The following METTL25 variants were observed in gnomAD, a reference collection of about 807,000 sequenced individuals.
METTL25 encodes the protein methyltransferase like 25.
METTL25 carries 64 observed loss-of-function variants against 71.6 expected under a neutral mutation model. The observed-to-expected ratio is 0.89, with a 90% confidence interval of 0.73 to 1.10. The LOEUF is 1.10. Among genes scored for constraint, METTL25 ranks in the 50% least tolerant of loss-of-function variants. METTL25 has a pLI of 0.00. For synonymous variants in METTL25, 287 were observed against 250.3 expected (o/e 1.15, Z -1.38); for missense variants, 807 against 707.0 (o/e 1.14, Z -1.60).
At chr12:82,471,334 G>A (rs775844677) in intron 9 of METTL25, among the ~76,000 whole-genome samples, 5 of 152,198 alleles carry the variant, frequency 3.3e-5, no homozygotes, top group Non-Finnish European at 7.3e-5. Context: ...CCTCATGTTT[G>A]TTACCTGCCT....
chr12:82,469,522 A>G (rs1229201661), intron 9 of METTL25, among the ~76,000 whole-genome samples: 1 of 151,992 alleles, frequency 6.6e-6, no homozygotes, highest in Non-Finnish European at 1.5e-5. Flanking sequence ...TCATGAAAAT[A>G]GCATGGGGGA....
intron 9 of METTL25, among the ~76,000 whole-genome samples, chr12:82,467,110 A>G (rs1892282924): frequency 6.6e-6 from 1 of 151,576 alleles, no homozygotes; most frequent in African/African-American, 2.4e-5. Context: ...TCCTACAGGC[A>G]GCATATAGTT....
intron 9 of METTL25, among the ~76,000 whole-genome samples, chr12:82,467,128 TAAA>T (rs562194761): frequency 1.9e-3 from 279 of 144,748 alleles, no homozygotes; most frequent in African/African-American, 6.8e-3. Context: ...GTTGGGTCTT[TAAA>T]AAAAAAAAAA....
At chr12:82,454,822 T>C (rs1019872658) in intron 8 of METTL25, among the ~76,000 whole-genome samples, 10 of 151,932 alleles carry the variant, frequency 6.6e-5, no homozygotes, top group African/African-American at 2.4e-4. Context: ...TTTAACAGTA[T>C]AATAAAAGCA....
At position 82,404,320 on chromosome 12, in the gene METTL25, A is replaced by G. The variant is rs577615986; in HGVS notation, c.1279+1190A>G. ...ATTACCAACTCATTTTTTTCTAAGT[A>G]CAGAAATTTTCAAGACCAAAAATTA... On this transcript the variant is annotated intron_variant, in intron 5 of 11. Coordinates refer to ENST00000248306, the MANE Select transcript of METTL25 (RefSeq NM_032230.3). 3.3e-5 allele frequency among the ~76,000 whole-genome samples: 5 copies of G among 152,210 alleles called. No homozygotes were observed. The East Asian group carries it at 9.7e-4, about 29-fold the overall frequency.
intron 1 of METTL25, among the ~76,000 whole-genome samples, chr12:82,377,894 T>C (rs571269481): frequency 7.2e-5 from 11 of 152,336 alleles, no homozygotes; most frequent in Non-Finnish European, 1.5e-4. Flanking sequence ...TTTAGGTGAT[T>C]CATAGCCCTT....
chr12:82,460,036 A>AATT (rs1410217788), intron 9 of METTL25: 3 of 152,164 alleles, frequency 2.0e-5, no homozygotes, highest in Admixed American at 6.6e-5. Flanking sequence ...TTCTTAAGCC[A>AATT]ATTATGTCCT....
At chr12:82,379,069 A>T (rs1305589318) in intron 1 of METTL25, among the ~76,000 whole-genome samples, 1 of 152,158 alleles carries the variant, frequency 6.6e-6, no homozygotes, top group Admixed American at 6.5e-5. Flanking sequence ...ACAAATTGAC[A>T]AGTCTTAATT....
chr12:82,363,163 C>A (rs777526992), intron 1 of METTL25, among the ~76,000 whole-genome samples: 8 of 152,114 alleles, frequency 5.3e-5, no homozygotes, highest in Non-Finnish European at 7.4e-5. Flanking sequence ...CTGCCTGAAT[C>A]CCCAAATGAT....
chr12:82,440,243 C>T (rs1890217954), intron 8 of METTL25, among the ~76,000 whole-genome samples: 1 of 151,906 alleles, frequency 6.6e-6, no homozygotes, highest in African/African-American at 2.4e-5. Flanking sequence ...TCCTCTTTCT[C>T]TTAGGATCCT....
At chr12:82,372,921 A>C (rs1418229958) in intron 1 of METTL25, among the ~76,000 whole-genome samples, 1 of 152,134 alleles carries the variant, frequency 6.6e-6, no homozygotes, top group Non-Finnish European at 1.5e-5. Flanking sequence ...TGCTGATCAG[A>C]ATAGTTGCAC....
In METTL25 at chr12:82,463,597, C is replaced by T. The variant is rs370288779; in HGVS notation, c.1572+6777C>T. Among the ~76,000 whole-genome samples the T allele has an allele frequency of 9.2e-5, 14 of 152,008 alleles. 1 individual carries two copies. In the East Asian group the frequency reaches 1.9e-3, roughly 21 times the overall value. On this transcript the variant is annotated intron_variant, in intron 9 of 11. Transcript: ENST00000248306. ...TGATTTCTTTTCCTTTGAGTAAATG[C>T]CAAGTAGTGGGATTGCTGGATCATA...
At chr12:82,376,254 A>C (rs2136890216) in intron 1 of METTL25, among the ~76,000 whole-genome samples, 1 of 152,316 alleles carries the variant, frequency 6.6e-6, no homozygotes, top group African/African-American at 2.4e-5. Flanking sequence ...ACAAATTTTT[A>C]AACTCATACA....
At chr12:82,366,227 T>C (rs1204642178) in intron 1 of METTL25, among the ~76,000 whole-genome samples, 1 of 152,264 alleles carries the variant, frequency 6.6e-6, no homozygotes, top group African/African-American at 2.4e-5. Flanking sequence ...AATACATTTG[T>C]ATTTCAAAGT....
At chr12:82,396,843 T>G (rs1248314200) in intron 3 of METTL25, among the ~76,000 whole-genome samples, 1 of 152,154 alleles carries the variant, frequency 6.6e-6, no homozygotes, top group Admixed American at 6.6e-5. Flanking sequence ...AATGGAATCA[T>G]AGTATGTAGA....
At chr12:82,389,140 A>G (rs1207458396) in intron 2 of METTL25, among the ~76,000 whole-genome samples, 10 of 152,064 alleles carry the variant, frequency 6.6e-5, no homozygotes, top group Admixed American at 3.3e-4. Flanking sequence ...AATATACTTT[A>G]TAATGTGTAG....
intron 1 of METTL25, among the ~76,000 whole-genome samples, chr12:82,370,313 G>A (rs1264546234): frequency 6.6e-6 from 1 of 152,154 alleles, no homozygotes; most frequent in Non-Finnish European, 1.5e-5. Context: ...TGACAAGGAG[G>A]TTAAAAATAT....
chr12:82,389,686 T>C, intron 2 of METTL25, 130 bp from the exon 3 acceptor site: 1 of 549,836 alleles, frequency 1.8e-6, no homozygotes, highest in South Asian at 2.3e-5. Flanking sequence ...CTAGTAGAGA[T>C]CTATCCAGAA....
chr12:82,374,406 A>C (rs1883591947), intron 1 of METTL25: 1 of 152,114 alleles, frequency 6.6e-6, no homozygotes, highest in Non-Finnish European at 1.5e-5. Flanking sequence ...CATTTTACAG[A>C]GTGCTGATTG....
Sources: allele counts gnomAD v4.1 joint callset (sites outside exome capture counted in the v4.1 genomes callset), GRCh38; gene constraint gnomAD v4.1.1; transcripts MANE v1.5; gene names NCBI Gene and HGNC (gene_info 2026-07-23, HGNC 2026-07-21).